SNED1: variants seen among roughly 807,000 people sequenced by gnomAD.
SNED1 encodes sushi, nidogen and EGF like domains 1.
Under a neutral mutation model 166.7 loss-of-function variants are expected in SNED1, and 81 were observed. The ratio of observed to expected loss-of-function variants is 0.49; its 90% CI spans 0.41 to 0.58. The LOEUF is 0.58. SNED1 is among the 20% of genes least tolerant of loss of function. The pLI is 0.00. For synonymous variants in SNED1, 762 were observed against 822.0 expected (o/e 0.93, Z 1.25); for missense variants, 1,604 against 2,000.2 (o/e 0.80, Z 3.78).
intron 1 of SNED1, among the ~76,000 whole-genome samples, chr2:241,003,421 G>GT (rs1241426619): frequency 2.0e-5 from 3 of 152,240 alleles, no homozygotes; most frequent in African/African-American, 7.2e-5. Context: ...ACCCTGAGCA[G>GT]TAAGTCCTCC....
intron 2 of SNED1, among the ~76,000 whole-genome samples, chr2:241,032,651 TAAAA>T (rs200850856): frequency 3.3e-5 from 5 of 152,078 alleles, no homozygotes; most frequent in African/African-American, 1.2e-4. Context: ...TAAAAAATAA[TAAAA>T]AAAGTGCTGG....
rs2062527081 is a variant in SNED1, at chr2:241,067,846, C to T, written c.3093C>T (p.Arg1031=). 2 of 1,613,352 alleles carry T rather than the reference C, an allele frequency of 1.2e-6. No individual in the cohort carries two copies. The highest frequency in any genetic ancestry group is 1.7e-6 in the Non-Finnish European group (2 of 1,179,854). ...TGCAGTGGGCCCTGCACAGGATCCG[C>T]CATGCCACCGTCAGTGGGGTCCGTG... ...ISVQWALHRI[R]HATVSGVRVS... is the part of the protein sequence containing the mutation. Residue 1031 remains arginine, a synonymous_variant, in exon 22 of 32, where the codon CGC becomes CGT. Transcript: ENST00000310397.
chr2:241,075,617 G>A lies in SNED1; in HGVS notation c.3916+2253G>A, dbSNP rs1035905923. ...TGTTTTGATACTGATCCTTTGTCAG[G>A]TCTGTGTTCTGCAGGTATCTTCCTC... On this transcript the variant is annotated intron_variant, in intron 27 of 31. Transcript: ENST00000310397. The surrounding 1 kb of genome is among the most constrained non-coding windows in gnomAD (Gnocchi z 4.8). 1.3e-5 allele frequency: 2 copies of A among 151,628 alleles called. No individual in the cohort carries two copies. Among genetic ancestry groups the A allele is most frequent in the Non-Finnish European group, 2.9e-5 (2 of 67,958 alleles). The allele number at this position is 151,628 out of a possible 1,614,324, so 9.4% of individuals were successfully genotyped here.
intron 27 of SNED1, among the ~76,000 whole-genome samples, chr2:241,078,515 T>C (rs1019222371): frequency 1.3e-5 from 2 of 151,634 alleles, no homozygotes; most frequent in Non-Finnish European, 2.9e-5. Flanking sequence ...CTTGAAAACA[T>C]GCTAAGTGGA....
At chr2:241,031,943 G>C (rs976204789) in intron 2 of SNED1, among the ~76,000 whole-genome samples, 7 of 152,296 alleles carry the variant, frequency 4.6e-5, no homozygotes, top group Middle Eastern at 6.8e-3. Context: ...GCAATACCAG[G>C]GGCCTGAGGC....
chr2:240,998,508 G>A (rs1200944334), upstream of SNED1, among the ~76,000 whole-genome samples: 2 of 151,970 alleles, frequency 1.3e-5, no homozygotes, highest in African/African-American at 4.8e-5. Flanking sequence ...CCGCGCGCCC[G>A]CGCCCTCCCA....
chr2:241,039,462 G>A (rs1384859545), intron 6 of SNED1, among the ~76,000 whole-genome samples: 3 of 152,276 alleles, frequency 2.0e-5, no homozygotes, highest in Non-Finnish European at 4.4e-5. Context: ...GGCTCTGCTG[G>A]CCAGGGCAAA....
chr2:241,035,023 C>A (rs1410606958), intron 4 of SNED1, among the ~76,000 whole-genome samples: 1 of 152,112 alleles, frequency 6.6e-6, no homozygotes, highest in African/African-American at 2.4e-5. Flanking sequence ...TTGGAGGGAA[C>A]CCTCTGGAGA....
intron 8 of SNED1, among the ~76,000 whole-genome samples, chr2:241,046,448 A>G (rs2061649736): frequency 6.6e-6 from 1 of 152,240 alleles, no homozygotes. Context: ...GAACCTCTGT[A>G]TGGTGGAATA....
At position 241,030,440 on chromosome 2, in the gene SNED1, C is replaced by A; in HGVS notation, c.370C>A (p.Pro124Thr). ...GDVYYREATD[P>T]AMLRRATEDV... ...CGTGTACTACCGGGAGGCCACCGAC[C>A]CAGCCATGCTGCGCCGAGCCACGGA... is the stretch of plus-strand genomic sequence containing the variant. The change falls in exon 2 of 32, where the codon CCA (proline) becomes ACA (threonine). Residue 124 changes from proline to threonine, a missense_variant. Transcript: ENST00000310397. 1 of 1,613,666 alleles carries A rather than the reference C, an allele frequency of 6.2e-7. No individual in the cohort carries two copies. The highest frequency in any genetic ancestry group is 8.5e-7 in the Non-Finnish European group (1 of 1,179,822).
intron 1 of SNED1, among the ~76,000 whole-genome samples, chr2:241,026,732 CA>C (rs1441947919): frequency 6.6e-6 from 1 of 152,106 alleles, no homozygotes; most frequent in Non-Finnish European, 1.5e-5. Flanking sequence ...TCAAGTTTTT[CA>C]TTGTGGTAAA....
intron 1 of SNED1, among the ~76,000 whole-genome samples, chr2:241,028,343 A>G (rs1352874030): frequency 4.6e-5 from 7 of 152,142 alleles, no homozygotes; most frequent in Non-Finnish European, 8.8e-5. Flanking sequence ...CTTTAGTGTA[A>G]TATCCAAGAA....
chr2:240,998,035 C>T (rs1171265115), upstream of SNED1, among the ~76,000 whole-genome samples: 2 of 152,256 alleles, frequency 1.3e-5, no homozygotes, highest in Non-Finnish European at 2.9e-5. Flanking sequence ...GTCTTCCCCA[C>T]GGAGGGTTTG....
intron 12 of SNED1, among the ~76,000 whole-genome samples, chr2:241,050,927 A>G (rs2125099356): frequency 6.6e-6 from 1 of 152,300 alleles, no homozygotes. Context: ...CAGGAACTGC[A>G]CAGCCCTCCC....
chr2:241,042,188 C>T (rs945089300), intron 8 of SNED1, among the ~76,000 whole-genome samples: 1 of 152,126 alleles, frequency 6.6e-6, no homozygotes, highest in East Asian at 1.9e-4. Flanking sequence ...TGAATTTTGG[C>T]TTATTATTAT....
At chr2:241,059,502 G>T (rs1471281652) in intron 16 of SNED1, among the ~76,000 whole-genome samples, 7 of 152,102 alleles carry the variant, frequency 4.6e-5, no homozygotes, top group Admixed American at 1.3e-4. Context: ...TTACAGACTG[G>T]TATCTCTCAA....
chr2:241,077,753 T>A (rs184049775), intron 27 of SNED1, among the ~76,000 whole-genome samples: 1 of 152,312 alleles, frequency 6.6e-6, no homozygotes. Context: ...AAAAGATCCT[T>A]GACATCATTA....
intron 29 of SNED1, among the ~76,000 whole-genome samples, chr2:241,084,335 G>A (rs928029006): frequency 1.3e-5 from 2 of 151,912 alleles, no homozygotes; most frequent in African/African-American, 2.4e-5. Flanking sequence ...CAAAGTTTAC[G>A]TAGAGACAGG....
intron 2 of SNED1, among the ~76,000 whole-genome samples, chr2:241,033,081 C>T (rs2061238284): frequency 6.6e-6 from 1 of 152,150 alleles, no homozygotes; most frequent in Non-Finnish European, 1.5e-5. Flanking sequence ...CTGAGTTATA[C>T]ATATATGCCT....
Sources: allele counts gnomAD v4.1 joint callset (sites outside exome capture counted in the v4.1 genomes callset), GRCh38; gene constraint gnomAD v4.1.1; non-coding constraint Gnocchi (gnomAD v3.1); transcripts MANE v1.5; gene names NCBI Gene and HGNC (gene_info 2026-07-23, HGNC 2026-07-21).